Variants in ATP2B2 observed in about 807,000 individuals in gnomAD.
The protein encoded by ATP2B2 is plasma membrane calcium-transporting ATPase 2.
In ATP2B2, 15 loss-of-function variants were observed where a neutral mutation model predicts 120.0. That is an observed-to-expected ratio of 0.12 (90% confidence interval 0.08 to 0.19). The LOEUF is 0.19. ATP2B2 is among the 10% of genes least tolerant of loss of function. The pLI is 1.00. For missense variants in ATP2B2, 1,045 were observed against 1,719.8 expected (o/e 0.61, Z 6.94); for synonymous variants, 694 against 700.3 (o/e 0.99, Z 0.14).
intron 9 of ATP2B2, among the ~76,000 whole-genome samples, chr3:10,378,927 C>T (rs1243169510): frequency 1.3e-5 from 2 of 152,218 alleles, no homozygotes; most frequent in East Asian, 3.8e-4. Flanking sequence ...GGCCCGTGAC[C>T]CTTTTGGACA....
chr3:10,471,243 A>AC (rs1186018029), intron 1 of ATP2B2, among the ~76,000 whole-genome samples: 3 of 150,250 alleles, frequency 2.0e-5, no homozygotes, highest in Non-Finnish European at 3.0e-5. Flanking sequence ...GGTGCAGGAG[A>AC]CCCCCTCCCT....
chr3:10,495,707 C>T lies in ATP2B2; in HGVS notation c.-320+9758G>A, dbSNP rs1184325705. Among the ~76,000 whole-genome samples, 5 of 152,324 alleles carry T rather than the reference C, an allele frequency of 3.3e-5. No homozygotes were observed. In the South Asian group the frequency reaches 8.3e-4, roughly 25 times the overall value. ...AGCCCTGGGTCCCAGTGCCAGGTCT[C>T]GCTTAATTTTATTGCTACTCCCTGA... On this transcript the variant is annotated intron_variant, in intron 1 of 22. Transcript: ENST00000360273.
chr3:10,643,059 C>T (rs2070217777), intron 1 of ATP2B2, among the ~76,000 whole-genome samples: 1 of 151,642 alleles, frequency 6.6e-6, no homozygotes, highest in Admixed American at 6.6e-5. Context: ...CTTAAATACG[C>T]ACTCACACAA....
At chr3:10,333,315 G>A (rs1391287955) in intron 22 of ATP2B2, among the ~76,000 whole-genome samples, 3 of 152,116 alleles carry the variant, frequency 2.0e-5, no homozygotes, top group African/African-American at 7.2e-5. Flanking sequence ...AAGGCTGGTG[G>A]GGTGCGGTGG....
At chr3:10,581,407 C>T (rs528163363) in intron 2 of ATP2B2, among the ~76,000 whole-genome samples, 2 of 152,144 alleles carry the variant, frequency 1.3e-5, no homozygotes, top group Non-Finnish European at 2.9e-5. Context: ...GAAGAGCCCA[C>T]AAAGGAAATC....
At chr3:10,650,916 T>C (rs978027801) in intron 1 of ATP2B2, among the ~76,000 whole-genome samples, 26 of 152,204 alleles carry the variant, frequency 1.7e-4, no homozygotes, top group Admixed American at 1.5e-3. Context: ...ATGTGAGACA[T>C]AGAGTCAAAG....
At chr3:10,579,642 C>G (rs1451561448) in intron 2 of ATP2B2, among the ~76,000 whole-genome samples, 1 of 152,126 alleles carries the variant, frequency 6.6e-6, no homozygotes, top group African/African-American at 2.4e-5. Flanking sequence ...AACCCTGTCT[C>G]TACTAAAAAA....
At position 10,460,178 on chromosome 3, in the gene ATP2B2, G is replaced by A. The variant is rs78039401; in HGVS notation, c.-319-10316C>T. 3.8e-3 allele frequency among the ~76,000 whole-genome samples: 585 copies of A among 152,306 alleles called. 3 individuals carry two copies. Among genetic ancestry groups the A allele is most frequent in the African/African-American group, 0.013 (557 of 41,564 alleles). ...GGAGGGATTGGATAGCTGAGGTCAGGGAACCTGATAACTACAGGCCCCCTC... is the reference window on the plus strand; with the variant it reads ...GGAGGGATTGGATAGCTGAGGTCAGAGAACCTGATAACTACAGGCCCCCTC... On this transcript the variant is annotated intron_variant, in intron 1 of 22. Transcript: ENST00000360273.
At chr3:10,577,933 A>C (rs1430441095) in intron 2 of ATP2B2, among the ~76,000 whole-genome samples, 1 of 152,162 alleles carries the variant, frequency 6.6e-6, no homozygotes, top group African/African-American at 2.4e-5. Flanking sequence ...ACTATTGCTT[A>C]TATTCTGATT....
rs1667963770 is a variant in ATP2B2 at position 10,375,490 on chromosome 3, C to T, written c.1356G>A (p.Val452=). Residue 452 remains valine (V), a synonymous_variant, in exon 11 of 23, where the codon GTG becomes GTA. Transcript: ENST00000360273. This position sits in a 1 kb window ranked among gnomAD's most constrained non-coding sequence, Gnocchi z 4.2. ...KFFIIGVTVL[V]VAVPEGLPLA... is the part of the protein sequence containing the mutation. ...GAGGGAGCCCCTCGGGCACGGCGAC[C>T]ACCAGCACCGTCACGCCAATGATGA... The T allele has an allele frequency of 6.2e-7, 1 of 1,613,584 alleles. No homozygotes were observed. Among genetic ancestry groups the T allele is most frequent in the African/African-American group, 1.3e-5 (1 of 74,928 alleles).
In ATP2B2 at chr3:10,350,413, G is replaced by A; in HGVS notation, c.2301C>T (p.Arg767=). The A allele has an allele frequency of 6.2e-7, 1 of 1,614,216 alleles. No individual in the cohort carries two copies. The highest frequency in any genetic ancestry group is 8.5e-7 in the Non-Finnish European group (1 of 1,180,020). The change falls in exon 15 of 23, where the codon CGC becomes CGT. Residue 767 remains arginine (R), a synonymous_variant. Transcript: ENST00000360273. ...LEGKEFNRRI[R]NEKGEIEQER... is the part of the protein sequence containing the mutation. ...GGACACGCACCTCCCCCTTCTCGTT[G>A]CGGATCCTCCTGTTGAACTCCTTGC... is the stretch of plus-strand genomic sequence containing the variant.
chr3:10,467,520 T>C (rs920008878), intron 1 of ATP2B2, among the ~76,000 whole-genome samples: 4 of 152,154 alleles, frequency 2.6e-5, no homozygotes, highest in African/African-American at 4.8e-5. Context: ...AGTTGGCACA[T>C]GGCAAAAGCT....
At chr3:10,651,497 G>A (rs1266390739) in intron 1 of ATP2B2, among the ~76,000 whole-genome samples, 1 of 152,200 alleles carries the variant, frequency 6.6e-6, no homozygotes, top group Non-Finnish European at 1.5e-5. Context: ...CACCATGATT[G>A]TGAGGCCTCC....
chr3:10,477,230 T>C (rs1659016), intron 1 of ATP2B2, among the ~76,000 whole-genome samples: 74,539 of 151,506 alleles, frequency 0.49, 19,320 homozygotes, highest in Non-Finnish European at 0.56. Flanking sequence ...TTGGTGCTTT[T>C]GTGTGTGTGT....
rs34219877 is a variant in ATP2B2 at position 10,425,131 on chromosome 3, A to AATAT, written c.200-14320_200-14317dup. ...CATGATGAAACTCCGTCTCTACTAA[A>AATAT]ATATATATATATACGTATATATATA... is the stretch of plus-strand genomic sequence containing the variant. On this transcript the variant is annotated intron_variant, in intron 2 of 22. Transcript: ENST00000360273. 3.3e-3 allele frequency among the ~76,000 whole-genome samples: 484 copies of AATAT among 147,342 alleles called. 2 individuals carry two copies. Among genetic ancestry groups the AATAT allele is most frequent in the African/African-American group, 0.011 (435 of 38,736 alleles).
intron 1 of ATP2B2, among the ~76,000 whole-genome samples, chr3:10,649,636 T>C (rs2070402288): frequency 6.6e-6 from 1 of 152,050 alleles, no homozygotes; most frequent in African/African-American, 2.4e-5. Context: ...GATGGGTGGA[T>C]GGATAGGATA....
At chr3:10,442,650 A>C (rs1274823131) in intron 2 of ATP2B2, among the ~76,000 whole-genome samples, 1 of 152,172 alleles carries the variant, frequency 6.6e-6, no homozygotes, top group Non-Finnish European at 1.5e-5. Context: ...AAGCATTGCA[A>C]ATCAAATATG....
At chr3:10,437,820 G>A (rs999230388) in intron 2 of ATP2B2, among the ~76,000 whole-genome samples, 4 of 152,168 alleles carry the variant, frequency 2.6e-5, no homozygotes, top group Admixed American at 2.6e-4. Flanking sequence ...ATTAAGATGA[G>A]GCCATTAGGG....
chr3:10,345,290 G>T, intron 18 of ATP2B2, 94 bp downstream of exon 18: 1 of 1,442,582 alleles, frequency 6.9e-7, no homozygotes, highest in Non-Finnish European at 9.6e-7. Context: ...CGGCTGTTCT[G>T]ACAGGGACAA....
Sources: gnomAD v4.1 joint callset for allele counts (sites outside exome capture counted in the v4.1 genomes callset) on GRCh38, gnomAD v4.1.1 for gene constraint, Gnocchi (gnomAD v3.1) non-coding constraint, MANE v1.5 for transcripts, NCBI Gene and HGNC (gene_info 2026-07-23, HGNC 2026-07-21) for gene names.